The following ISOC2 variants were observed in gnomAD, a reference collection of about 807,000 sequenced individuals.
ISOC2 encodes the protein isochorismatase domain containing 2.
ISOC2 carries 15 observed loss-of-function variants against 19.3 expected under a neutral mutation model. The ratio of observed to expected loss-of-function variants is 0.78; its 90% CI spans 0.52 to 1.20. The LOEUF (loss-of-function observed/expected upper bound fraction) is 1.20, where lower values mean the gene tolerates loss of function less well. Among genes scored for constraint, ISOC2 ranks in the 50% most tolerant of loss-of-function variants. The probability of loss-of-function intolerance (pLI) is 0.00; values close to 1 mark genes in which losing one functional copy is unlikely to be tolerated. For synonymous variants in ISOC2, 106 were observed against 115.8 expected (o/e 0.92, Z 0.54); for missense variants, 285 against 272.4 (o/e 1.05, Z -0.33).
chr19:55,454,672 T>C (rs1985984054), intron 5 of ISOC2: 2 of 382,620 alleles, frequency 5.2e-6, no homozygotes, highest in African/African-American at 2.1e-5. Flanking sequence ...AGTGTCCGCC[T>C]GGTCACTCCC....
At chr19:55,457,272 G>T in intron 1 of ISOC2, 1 of 154,262 alleles carries the variant, frequency 6.5e-6, no homozygotes, top group Non-Finnish European at 1.4e-5. Flanking sequence ...GGGCGCAGTG[G>T]CTCACGCCTA....
intron 5 of ISOC2, chr19:55,453,839 A>T (rs1568457423): frequency 6.6e-6 from 1 of 152,310 alleles, no homozygotes; most frequent in African/African-American, 2.4e-5. Context: ...TCCAGAAAAT[A>T]AAATAAATAA....
chr19:55,453,605 G>A (rs1293682800), intron 5 of ISOC2: 8 of 421,808 alleles, frequency 1.9e-5, no homozygotes, highest in Admixed American at 4.5e-5. Flanking sequence ...GGTGTGCTTT[G>A]CGGGCTTGGA....
chr19:55,461,250 G>A lies in ISOC2; in HGVS notation c.-4+262C>T, dbSNP rs143603037. Among the ~76,000 whole-genome samples the A allele has an allele frequency of 6.0e-3, 917 of 152,256 alleles. 6 individuals are homozygous for A. The highest frequency in any genetic ancestry group is 0.021 in the African/African-American group (869 of 41,550). On this transcript the variant is annotated intron_variant, in intron 1 of 5. Coordinates refer to ENST00000425675, the MANE Select transcript of ISOC2 (RefSeq NM_001136201.2). ...TTCCTGGCTGTGTGACCTTGGGCAA[G>A]TTTCTCTTTGTCTTAGCCTCAGTTT... is the stretch of plus-strand genomic sequence containing the variant.
At chr19:55,456,515 G>T (rs776853567) in intron 1 of ISOC2, 26 bp from the exon 2 acceptor site, 1 of 1,612,050 alleles carries the variant, frequency 6.2e-7, no homozygotes, top group South Asian at 1.1e-5. Flanking sequence ...GGGACGGTGG[G>T]TCAGGCCCGA....
intron 1 of ISOC2, among the ~76,000 whole-genome samples, chr19:55,460,828 G>C (rs1986212179): frequency 6.6e-6 from 1 of 152,242 alleles, no homozygotes; most frequent in Non-Finnish European, 1.5e-5. Flanking sequence ...GGAGGCAAAA[G>C]GCCAGAGAGC....
Position 55,456,496 on chromosome 19 carries a change from G to A in ISOC2, c.-3-7C>T, listed in dbSNP as rs772100154. ...GCCTGGCAGCCGCCATTTTCTGGGG[G>A]TGGGCAGAGGGACGGTGGGTCAGGC... On this transcript the variant is annotated splice_region_variant and splice_polypyrimidine_tract_variant and intron_variant, in intron 1 of 5. Coordinates refer to ENST00000425675, the MANE Select transcript of ISOC2 (RefSeq NM_001136201.2). 6 of 1,613,466 alleles carry A rather than the reference G, an allele frequency of 3.7e-6. No homozygotes were observed. Among genetic ancestry groups the A allele is most frequent in the South Asian group, 1.1e-5 (1 of 91,076 alleles).
intron 1 of ISOC2, among the ~76,000 whole-genome samples, chr19:55,458,956 G>A (rs578203947): frequency 6.6e-6 from 1 of 152,034 alleles, no homozygotes; most frequent in Non-Finnish European, 1.5e-5. Flanking sequence ...TTTTGAGACA[G>A]GGTCTCATAG....
At chr19:55,461,167 G>A (rs2123390348) in intron 1 of ISOC2, among the ~76,000 whole-genome samples, 1 of 152,246 alleles carries the variant, frequency 6.6e-6, no homozygotes, top group South Asian at 2.1e-4. Context: ...AACAGGGGGC[G>A]GGGTAGGGCC....
Position 55,455,708 on chromosome 19 carries a change from C to A in ISOC2, c.276G>T (p.Gln92His). The change falls in exon 3 of 6, where the codon CAG (glutamine) becomes CAT (histidine). Residue 92 changes from glutamine to histidine, a missense_variant. Gln to His is a conservative substitution (Grantham distance 24, BLOSUM62 0). Transcript: ENST00000425675. ...GCTGGGGCCGACTGTCCAGCTCCTG[C>A]TGCAGGGCAGGCACCATGCTGAAGC... ...KTCFSMVPAL[Q>H]QELDSRPQLR... 2 of 1,611,420 alleles carry A rather than the reference C, an allele frequency of 1.2e-6. No individual in the cohort carries two copies. The highest frequency in any genetic ancestry group is 1.7e-6 in the Non-Finnish European group (2 of 1,179,272).
intron 5 of ISOC2, chr19:55,454,117 C>T (rs1985966262): frequency 6.5e-6 from 1 of 152,798 alleles, no homozygotes; most frequent in Admixed American, 6.5e-5. Context: ...TGAAGACAGG[C>T]TGCTGGCTCC....
At chr19:55,455,147 C>T (rs199899925) in intron 4 of ISOC2, 41 bp from the exon 5 acceptor site, 11 of 1,589,962 alleles carry the variant, frequency 6.9e-6, no homozygotes, top group Middle Eastern at 1.9e-4. Context: ...GTGTGGACGC[C>T]GCAGTCTGGA....
chr19:55,456,368 A>T lies in ISOC2; in HGVS notation c.119T>A (p.Val40Glu). The T allele has an allele frequency of 6.2e-7, 1 of 1,613,746 alleles. No individual in the cohort carries two copies. The highest frequency in any genetic ancestry group is 8.5e-7 in the Non-Finnish European group (1 of 1,179,862). Residue 40 changes from valine to glutamate, a missense_variant, in exon 2 of 6, where the codon GTG becomes GAG. Coordinates refer to ENST00000425675, the MANE Select transcript of ISOC2 (RefSeq NM_001136201.2). ...NIAYFPQIVS[V>E]AARMLKVARL... ...TCATACCTTGAGCATGCGGGCAGCC[A>T]CTGAGACGATCTGTGGGAAGTAGGC...
intron 2 of ISOC2, 197 bp from the exon 3 acceptor site, chr19:55,456,042 T>C: frequency 1.7e-6 from 1 of 598,824 alleles, no homozygotes; most frequent in Non-Finnish European, 3.0e-6. Context: ...GAGCTGGGCC[T>C]GGACTCCTGC....
Position 55,455,755 on chromosome 19 carries a change from G to T in ISOC2, c.229C>A (p.Leu77Ile), listed in dbSNP as rs774661786. Residue 77 changes from leucine to isoleucine, a missense_variant, in exon 3 of 6, where the codon CTT becomes ATT. Coordinates refer to ENST00000425675, the MANE Select transcript of ISOC2 (RefSeq NM_001136201.2). Reference protein sequence around the residue: ...PTVPELGTEGLRPLAKTCFSM... With the variant: ...PTVPELGTEGIRPLAKTCFSM... ...AAGCAGGTCTTGGCCAGCGGCCGAA[G>T]GCCCTCAGTCCCCAGCTCGGGCACC... is the stretch of plus-strand genomic sequence containing the variant. 6.3e-7 allele frequency: 1 copy of T among 1,592,618 alleles called. No homozygotes were observed. Among genetic ancestry groups the T allele is most frequent in the Non-Finnish European group, 8.5e-7 (1 of 1,170,270 alleles).
rs1985915186 is a variant in ISOC2, at chr19:55,453,109, T to C, written c.*199A>G. The C allele has an allele frequency of 4.0e-6, 2 of 498,788 alleles. No individual in the cohort carries two copies. The highest frequency in any genetic ancestry group is 7.2e-6 in the Non-Finnish European group (2 of 279,480). 30.9% of individuals were successfully genotyped at this position (498,788 alleles called of 1,614,324 possible). A position where few individuals can be genotyped will look rare whatever the true frequency, so the allele number is the denominator to read the frequency against. On this transcript the variant is annotated 3_prime_UTR_variant, in exon 6 of 6. Coordinates refer to ENST00000425675, the MANE Select transcript of ISOC2 (RefSeq NM_001136201.2). ...CCCGCCTCCATCTTGGCTCAGCCAA[T>C]TCCCACCCAGTTTCCAGGAGTCTCA...
intron 5 of ISOC2, chr19:55,454,788 A>T: frequency 1.8e-6 from 1 of 560,976 alleles, no homozygotes; most frequent in African/African-American, 1.9e-5. Context: ...CCCCCATTTT[A>T]TTGTTCTCTG....
chr19:55,455,118 AG>A lies in ISOC2; in HGVS notation c.420-13del. 1 of 565,292 alleles carries A rather than the reference AG, an allele frequency of 1.8e-6. No homozygotes were observed. The highest frequency in any genetic ancestry group is 3.4e-6 in the Non-Finnish European group (1 of 293,630). The allele number at this position is 565,292 out of a possible 1,614,324, so 35.0% of individuals were successfully genotyped here. On this transcript the variant is annotated splice_polypyrimidine_tract_variant and intron_variant, in intron 4 of 5. Transcript: ENST00000425675. ...GCCGGTCCACCTGGCTGTGAGTGGG[AG>A]GGAGGGAGGGAAGGTTGGTGTGGAC...
At chr19:55,454,928 A>C (rs1347597533) in intron 5 of ISOC2, 61 bp downstream of exon 5, 1 of 1,274,498 alleles carries the variant, frequency 7.8e-7, no homozygotes, top group Non-Finnish European at 1.1e-6. Context: ...GTATTCTCAG[A>C]GCCCAAAGAC....
Sources: gnomAD v4.1 joint callset for allele counts (sites outside exome capture counted in the v4.1 genomes callset) on GRCh38, gnomAD v4.1.1 for gene constraint, MANE v1.5 for transcripts, NCBI Gene and HGNC (gene_info 2026-07-23, HGNC 2026-07-21) for gene names.